EDNRA: variants seen among roughly 807,000 people sequenced by gnomAD.
The protein encoded by EDNRA is endothelin receptor type A, also known as endothelin-1 receptor.
A neutral mutation model predicts 41.4 loss-of-function variants in EDNRA; 11 were observed. The ratio of observed to expected loss-of-function variants is 0.27; its 90% confidence interval spans 0.17 to 0.44. The LOEUF is 0.44. Ranked by LOEUF, EDNRA falls within the 20% of genes least tolerant of loss-of-function variation. The pLI, the probability that EDNRA is intolerant of heterozygous loss-of-function variation, is 1.00. For synonymous variants in EDNRA, 172 were observed against 183.0 expected, an observed-to-expected ratio of 0.94 and a Z score of 0.49; for missense variants, 294 against 531.0, an observed-to-expected ratio of 0.55 and a Z score of 4.39.
intron 2 of EDNRA, among the ~76,000 whole-genome samples, chr4:147,509,491 AC>A (rs1469236504): frequency 2.6e-5 from 4 of 152,066 alleles, no homozygotes; most frequent in Non-Finnish European, 5.9e-5. Context: ...GGGGTCCTCA[AC>A]CCCCAGGCTG....
chr4:147,531,492 T>C (rs1730735144), intron 3 of EDNRA, among the ~76,000 whole-genome samples: 1 of 152,226 alleles, frequency 6.6e-6, no homozygotes, highest in African/African-American at 2.4e-5. Context: ...TAAGGTTTCT[T>C]TTTTTATTTT....
At chr4:147,525,306 G>A (rs983363515) in intron 3 of EDNRA, among the ~76,000 whole-genome samples, 4 of 152,116 alleles carry the variant, frequency 2.6e-5, no homozygotes, top group Non-Finnish European at 5.9e-5. Context: ...TTCAACTATG[G>A]ACTTGTCTCA....
At chr4:147,512,846 T>C (rs1189885681) in intron 2 of EDNRA, among the ~76,000 whole-genome samples, 1 of 152,186 alleles carries the variant, frequency 6.6e-6, no homozygotes, top group Non-Finnish European at 1.5e-5. Context: ...CTTTTGTTCT[T>C]GTGTGGCCTG....
chr4:147,519,773 C>G lies in EDNRA; in HGVS notation c.421-78C>G. On this transcript the variant is annotated intron_variant, in intron 2 of 7. Coordinates refer to ENST00000651419, the MANE Select transcript of EDNRA (RefSeq NM_001957.4). This position sits in a 1 kb window ranked among gnomAD's most constrained non-coding sequence, Gnocchi z 4.1. The stretch of plus-strand genomic sequence containing the variant: ...TGTGAATAAAATTTAGAAGTTGGGA[C>G]GCATAACTAAAACTGTAAGTGCCCA... The G allele has an allele frequency of 6.7e-7, 1 of 1,496,706 alleles. No homozygotes were observed. 92.7% of individuals were successfully genotyped at this position (1,496,706 alleles called of 1,614,324 possible).
chr4:147,489,668 C>T (rs1402999596), intron 2 of EDNRA: 1 of 152,126 alleles, frequency 6.6e-6, no homozygotes, highest in Non-Finnish European at 1.5e-5. Context: ...TCTGGATGGC[C>T]TGTGGCATGG....
intron 3 of EDNRA, among the ~76,000 whole-genome samples, chr4:147,531,913 G>A (rs377208182): frequency 6.6e-6 from 1 of 151,714 alleles, no homozygotes; most frequent in African/African-American, 2.4e-5. Flanking sequence ...GGGAGGCTGA[G>A]GCAGGAGAAT....
chr4:147,487,070 G>A (rs921324497), intron 2 of EDNRA, among the ~76,000 whole-genome samples: 4 of 152,082 alleles, frequency 2.6e-5, no homozygotes, highest in Non-Finnish European at 4.4e-5. Flanking sequence ...CATGGCAAGA[G>A]CAGGAGCAAG....
chr4:147,497,260 T>C (rs72721931), intron 2 of EDNRA, among the ~76,000 whole-genome samples: 2,782 of 147,934 alleles, frequency 0.019, 57 homozygotes, highest in Middle Eastern at 0.06. Context: ...GCCTCCCAAA[T>C]TGCTGGGATT....
chr4:147,538,791 C>T (rs1401748803), intron 5 of EDNRA, among the ~76,000 whole-genome samples: 2 of 152,148 alleles, frequency 1.3e-5, no homozygotes, highest in Non-Finnish European at 2.9e-5. Context: ...TTTTGAATGG[C>T]TCAGCCAATC....
chr4:147,533,729 A>G (rs1414595111), intron 4 of EDNRA, among the ~76,000 whole-genome samples: 2 of 152,248 alleles, frequency 1.3e-5, no homozygotes, highest in East Asian at 3.8e-4. Context: ...GGCTGTGTGA[A>G]TAAGCAATCT....
At chr4:147,540,030 C>A in intron 6 of EDNRA, 80 bp downstream of exon 6, 1 of 1,510,662 alleles carries the variant, frequency 6.6e-7, no homozygotes. Context: ...ACCAGCTACT[C>A]TACATGCCCG....
Position 147,519,734 on chromosome 4 carries a change from T to C in EDNRA, c.421-117T>C, listed in dbSNP as rs1349203006. The C allele has an allele frequency of 2.4e-6, 3 of 1,262,898 alleles. No individual in the cohort carries two copies. Among genetic ancestry groups the C allele is most frequent in the Non-Finnish European group, 3.2e-6 (3 of 928,800 alleles). The allele number at this position is 1,262,898 out of a possible 1,614,324, so 78.2% of individuals were successfully genotyped here. A position where few individuals can be genotyped will look rare whatever the true frequency, so the allele number is the denominator to read the frequency against. On this transcript the variant is annotated intron_variant, in intron 2 of 7. Coordinates refer to ENST00000651419, the MANE Select transcript of EDNRA (RefSeq NM_001957.4). The surrounding 1 kb of genome is among the most constrained non-coding windows in gnomAD (Gnocchi z 4.1). The stretch of plus-strand genomic sequence containing the variant: ...TTCTAATACTCTTTTGCTACAGTGC[T>C]AACTGAAAAGCACTGTGAATAAAAT...
intron 6 of EDNRA, 85 bp downstream of exon 6, chr4:147,540,035 T>G (rs1731045964): frequency 6.7e-7 from 1 of 1,501,576 alleles, no homozygotes; most frequent in Non-Finnish European, 8.9e-7. Flanking sequence ...CTACTCTACA[T>G]GCCCGTTAGC....
intron 3 of EDNRA, among the ~76,000 whole-genome samples, chr4:147,523,430 T>C (rs1365063961): frequency 6.6e-6 from 1 of 152,104 alleles, no homozygotes; most frequent in African/African-American, 2.4e-5. Context: ...GGTATGTCAC[T>C]GCTACAGAGA....
intron 5 of EDNRA, among the ~76,000 whole-genome samples, chr4:147,536,838 C>G (rs1730938464): frequency 6.6e-6 from 1 of 152,148 alleles, no homozygotes; most frequent in Non-Finnish European, 1.5e-5. Context: ...AAGGGCAAAA[C>G]TAGACTCATA....
chr4:147,520,524 C>T (rs368230894), intron 3 of EDNRA: 111 of 513,026 alleles, frequency 2.2e-4, no homozygotes, highest in African/African-American at 2.0e-3. Context: ...TTCCAGAATC[C>T]GCACGCATGA....
intron 2 of EDNRA, among the ~76,000 whole-genome samples, chr4:147,487,786 CT>C (rs1190631678): frequency 2.6e-5 from 4 of 152,332 alleles, no homozygotes; most frequent in Admixed American, 2.0e-4. Context: ...AAATTACCAT[CT>C]CTTTCCACAG....
chr4:147,486,158 G>A lies in EDNRA; in HGVS notation c.420+57G>A. 2 of 1,531,816 alleles carry A rather than the reference G, an allele frequency of 1.3e-6. No individual in the cohort carries two copies. The highest frequency in any genetic ancestry group is 1.8e-6 in the Non-Finnish European group (2 of 1,138,328). The allele number at this position is 1,531,816 out of a possible 1,614,324, so 94.9% of individuals were successfully genotyped here. ...TTAAACCCATGCTCTGATTCCACGTGGAGAGTTGCTGCAGACTTTTCTGAC... is the reference window on the plus strand; with the variant it reads ...TTAAACCCATGCTCTGATTCCACGTAGAGAGTTGCTGCAGACTTTTCTGAC... On this transcript the variant is annotated intron_variant, in intron 2 of 7. Transcript: ENST00000651419. The surrounding 1 kb of genome is among the most constrained non-coding windows in gnomAD (Gnocchi z 4.3).
chr4:147,510,797 CTCTT>C (rs985919656), intron 2 of EDNRA, among the ~76,000 whole-genome samples: 1 of 152,176 alleles, frequency 6.6e-6, no homozygotes, highest in African/African-American at 2.4e-5. Flanking sequence ...GACTGAAGCA[CTCTT>C]TCACGGGAAG....
Sources: allele counts gnomAD v4.1 joint callset (sites outside exome capture counted in the v4.1 genomes callset), GRCh38; gene constraint gnomAD v4.1.1; non-coding constraint Gnocchi (gnomAD v3.1); transcripts MANE v1.5; gene names NCBI Gene and HGNC (gene_info 2026-07-23, HGNC 2026-07-21).